Variants in EMID1 observed in about 807,000 individuals in gnomAD.
EMID1 encodes EMI domain-containing protein 1.
Under a neutral mutation model 60.6 loss-of-function variants are expected in EMID1, and 40 were observed. The ratio of observed to expected loss-of-function variants is 0.66; its 90% CI spans 0.51 to 0.86. EMID1 has a LOEUF of 0.86. Among genes scored for constraint, EMID1 ranks in the 40% least tolerant of loss-of-function variants. EMID1 has a pLI of 0.00. For synonymous variants in EMID1, 242 were observed against 231.0 expected (o/e 1.05, Z -0.43); for missense variants, 585 against 597.1 (o/e 0.98, Z 0.21).
At chr22:29,255,014 G>A (rs1602064929) in intron 14 of EMID1, among the ~76,000 whole-genome samples, 1 of 131,994 alleles carries the variant, frequency 7.6e-6, no homozygotes, top group East Asian at 2.0e-4. Context: ...CCCTTTAGGG[G>A]ACTAAGAGAG....
chr22:29,211,080 G>A (rs909833715), intron 1 of EMID1, among the ~76,000 whole-genome samples: 3 of 152,122 alleles, frequency 2.0e-5, no homozygotes, highest in Non-Finnish European at 2.9e-5. Context: ...CATGCGAGAG[G>A]GCATGCGTGT....
intron 1 of EMID1, among the ~76,000 whole-genome samples, chr22:29,208,742 G>A (rs946318955): frequency 1.3e-5 from 2 of 152,218 alleles, no homozygotes; most frequent in East Asian, 3.9e-4. Flanking sequence ...GGAAGACCTT[G>A]TGAAGAAGGT....
intron 1 of EMID1, among the ~76,000 whole-genome samples, chr22:29,209,169 G>T: frequency 6.6e-6 from 1 of 152,222 alleles, no homozygotes; most frequent in East Asian, 1.9e-4. Flanking sequence ...GCAGCCCTGG[G>T]CCCTACAGAG....
At chr22:29,225,506 A>C (rs2146241166) in intron 4 of EMID1, among the ~76,000 whole-genome samples, 1 of 152,198 alleles carries the variant, frequency 6.6e-6, no homozygotes, top group African/African-American at 2.4e-5. Context: ...TTTAATCAGC[A>C]CTTTTCTGAG....
intron 12 of EMID1, among the ~76,000 whole-genome samples, chr22:29,242,149 G>A (rs1410244855): frequency 6.6e-6 from 1 of 152,022 alleles, no homozygotes; most frequent in African/African-American, 2.4e-5. Context: ...CAAACTCCTG[G>A]CCTCAAGCTA....
In EMID1 at chr22:29,251,524, G is replaced by T. The variant is rs1602055287; in HGVS notation, c.1120-2679G>T. 2.0e-5 allele frequency among the ~76,000 whole-genome samples: 3 copies of T among 151,546 alleles called. 1 individual carries two copies. The South Asian group carries it at 6.3e-4, about 32-fold the overall frequency. ...CCCCCCCGGCGTTTTTTGAGACATG[G>T]TCTTGCTCTGTCACCCATCGTGGAG... On this transcript the variant is annotated intron_variant, in intron 13 of 14. Transcript: ENST00000334018.
Position 29,214,973 on chromosome 22 carries a change from A to G in EMID1, c.149A>G (p.Gln50Arg). The G allele has an allele frequency of 3.2e-6, 5 of 1,553,092 alleles. No homozygotes were observed. Among genetic ancestry groups the G allele is most frequent in the Non-Finnish European group, 4.4e-6 (5 of 1,146,888 alleles). ...VVTRTISCHV[Q>R]NGTYLQRVLQ... ...ACCCGCACCATCTCATGCCATGTGCAGAATGGCACCTACCTTCAGCGAGTG... is the reference window on the plus strand; with the variant it reads ...ACCCGCACCATCTCATGCCATGTGCGGAATGGCACCTACCTTCAGCGAGTG... The change falls in exon 2 of 15, where the codon CAG (glutamine) becomes CGG (arginine). Residue 50 changes from glutamine (Q) to arginine (R), a missense_variant. Gln to Arg is a conservative substitution (Grantham distance 43). Coordinates refer to ENST00000334018, the MANE Select transcript of EMID1 (RefSeq NM_133455.4).
Position 29,234,119 on chromosome 22 carries a change from C to A in EMID1, c.967-18C>A. On this transcript the variant is annotated intron_variant, in intron 10 of 14. Coordinates refer to ENST00000334018, the MANE Select transcript of EMID1 (RefSeq NM_133455.4). ...ATCCTGCCCCAACACAAGGCTGAGGCCCTGTCTTGTTGCTCAGGGACCCCC... is the reference window on the plus strand; with the variant it reads ...ATCCTGCCCCAACACAAGGCTGAGGACCTGTCTTGTTGCTCAGGGACCCCC... 6.4e-7 allele frequency: 1 copy of A among 1,571,280 alleles called. No individual in the cohort carries two copies.
chr22:29,208,381 G>A (rs1345238245), intron 1 of EMID1, among the ~76,000 whole-genome samples: 1 of 152,190 alleles, frequency 6.6e-6, no homozygotes, highest in Non-Finnish European at 1.5e-5. Flanking sequence ...GTGCCCAAGG[G>A]CTATGCAGAG....
At chr22:29,233,066 G>A (rs2040814153) in intron 8 of EMID1, 1 of 395,466 alleles carries the variant, frequency 2.5e-6, no homozygotes, top group Non-Finnish European at 4.7e-6. Flanking sequence ...CACACAGTAG[G>A]TGGTGGATAA....
intron 14 of EMID1, among the ~76,000 whole-genome samples, chr22:29,256,093 C>G (rs1019911501): frequency 6.6e-6 from 1 of 152,184 alleles, no homozygotes; most frequent in Non-Finnish European, 1.5e-5. Context: ...CTCTATTCCT[C>G]ACCTGCCCAG....
At chr22:29,215,990 G>C (rs1464465056) in intron 3 of EMID1, among the ~76,000 whole-genome samples, 10 of 152,202 alleles carry the variant, frequency 6.6e-5, no homozygotes, top group African/African-American at 2.4e-4. Context: ...ATTTTAGTCA[G>C]TTCATGGGTC....
intron 3 of EMID1, among the ~76,000 whole-genome samples, chr22:29,222,708 T>C (rs2040345317): frequency 6.6e-6 from 1 of 152,182 alleles, no homozygotes; most frequent in South Asian, 2.1e-4. Context: ...CTGGCCTATG[T>C]TGACTTTCAA....
At chr22:29,223,678 G>C (rs767279591) in intron 3 of EMID1, among the ~76,000 whole-genome samples, 1 of 152,186 alleles carries the variant, frequency 6.6e-6, no homozygotes, top group East Asian at 1.9e-4. Context: ...TCCTCCTAGC[G>C]GGGAAGTGGA....
intron 5 of EMID1, among the ~76,000 whole-genome samples, chr22:29,227,419 G>A (rs1229386184): frequency 6.7e-6 from 1 of 149,788 alleles, no homozygotes; most frequent in African/African-American, 2.5e-5. Flanking sequence ...AAATTAAAAA[G>A]TACTGCTTGG....
intron 3 of EMID1, chr22:29,216,698 T>C: frequency 1.0e-6 from 1 of 976,110 alleles, no homozygotes; most frequent in Non-Finnish European, 1.2e-6. Flanking sequence ...AGTTCACAGA[T>C]AGGGTGACTG....
chr22:29,209,062 C>A (rs771372657), intron 1 of EMID1, among the ~76,000 whole-genome samples: 1 of 152,238 alleles, frequency 6.6e-6, no homozygotes, highest in South Asian at 2.1e-4. Flanking sequence ...CACCCCTGCC[C>A]GCCCGGTCCT....
intron 14 of EMID1, among the ~76,000 whole-genome samples, chr22:29,257,030 T>C (rs991357112): frequency 1.3e-5 from 2 of 152,156 alleles, no homozygotes; most frequent in African/African-American, 4.8e-5. Context: ...CTCTGAGGAT[T>C]GGAGCAGGAG....
chr22:29,215,248 T>C, intron 2 of EMID1: 1 of 985,418 alleles, frequency 1.0e-6, no homozygotes, highest in Non-Finnish European at 1.2e-6. Context: ...GATACACCAT[T>C]TGCCTGCATT....
Sources: allele counts gnomAD v4.1 joint callset (sites outside exome capture counted in the v4.1 genomes callset), GRCh38; gene constraint gnomAD v4.1.1; transcripts MANE v1.5; gene names NCBI Gene and HGNC (gene_info 2026-07-23, HGNC 2026-07-21).